The following GOLGA3 variants were observed in gnomAD, a reference collection of about 807,000 sequenced individuals.
The protein encoded by GOLGA3 is golgin A3, also known as golgin subfamily A member 3.
GOLGA3 carries 75 observed loss-of-function variants against 169.4 expected under a neutral mutation model. That is an observed-to-expected ratio of 0.44 (90% confidence interval 0.37 to 0.54). GOLGA3 has a LOEUF of 0.54. Ranked by LOEUF, GOLGA3 falls within the 20% of genes least tolerant of loss-of-function variation. GOLGA3 has a pLI of 0.00. For synonymous variants in GOLGA3, 824 were observed against 822.4 expected (o/e 1.00, Z -0.03); for missense variants, 1,899 against 1,930.0 (o/e 0.98, Z 0.30).
At chr12:132,807,521 C>A (rs1165734782) in intron 5 of GOLGA3, among the ~76,000 whole-genome samples, 1 of 152,126 alleles carries the variant, frequency 6.6e-6, no homozygotes, top group Admixed American at 6.5e-5. Flanking sequence ...ATGCAAGCGT[C>A]GTGCAGCTTA....
intron 14 of GOLGA3, 64 bp downstream of exon 14, chr12:132,786,629 T>C (rs2045914418): frequency 1.6e-5 from 17 of 1,059,256 alleles, no homozygotes; most frequent in African/African-American, 5.2e-5. Flanking sequence ...CTGGTTCGCC[T>C]CCCCCCCGGC....
At chr12:132,820,098 C>G (rs979738739) in intron 2 of GOLGA3, among the ~76,000 whole-genome samples, 1 of 152,112 alleles carries the variant, frequency 6.6e-6, no homozygotes, top group Non-Finnish European at 1.5e-5. Context: ...ATCGCTTGAA[C>G]CCGGGAGGCG....
At position 132,773,062 on chromosome 12, in the gene GOLGA3, G is replaced by A. The variant is rs560952493; in HGVS notation, c.*43C>T. 22 of 1,306,066 alleles carry A rather than the reference G, an allele frequency of 1.7e-5. No individual in the cohort carries two copies. In the South Asian group the frequency reaches 2.8e-4, roughly 17 times the overall value. 80.9% of individuals were successfully genotyped at this position (1,306,066 alleles called of 1,614,324 possible). A position where few individuals can be genotyped will look rare whatever the true frequency, so the allele number is the denominator to read the frequency against. ...ACAATCAAATAAATAACATTGATAA[G>A]AGCCTTCTGGGGCAGCGGCGCACGG... On this transcript the variant is annotated 3_prime_UTR_variant, in exon 24 of 24. Coordinates refer to ENST00000450791, the MANE Select transcript of GOLGA3 (RefSeq NM_001389683.1).
chr12:132,776,976 C>G lies in GOLGA3; in HGVS notation c.3837G>C (p.Gln1279His), dbSNP rs373046490. 9 of 1,600,980 alleles carry G rather than the reference C, an allele frequency of 5.6e-6. No homozygotes were observed. In the African/African-American group the frequency reaches 1.2e-4, roughly 21 times the overall value. ...CCGTCACCTCTTGGTTTCCCACGGGCTGTTTGCTGAGCTGCTCGTCCAGCT... is the reference window on the plus strand; with the variant it reads ...CCGTCACCTCTTGGTTTCCCACGGGGTGTTTGCTGAGCTGCTCGTCCAGCT... ...QKQLDEQLSK[Q>H]PVGNQEMENL... is the part of the protein sequence containing the mutation. The change falls in exon 20 of 24, where the codon CAG becomes CAC. Residue 1279 changes from glutamine (Q) to histidine (H), a missense_variant. Coordinates refer to ENST00000450791, the MANE Select transcript of GOLGA3 (RefSeq NM_001389683.1).
chr12:132,779,651 C>T (rs760143805), intron 18 of GOLGA3, among the ~76,000 whole-genome samples: 8 of 152,184 alleles, frequency 5.3e-5, no homozygotes, highest in Non-Finnish European at 8.8e-5. Context: ...CTAGAGACAA[C>T]CAGTTATTTC....
In GOLGA3 at chr12:132,807,293, G is replaced by A. The variant is rs1182211611; in HGVS notation, c.1179-5C>T. Reference sequence around the variant, plus strand: ...GCAGAGCTCTCCAAGGACACGCTGGGGACAAAGGCACGGGTCAGGCCTGTG... The same window carrying A: ...GCAGAGCTCTCCAAGGACACGCTGGAGACAAAGGCACGGGTCAGGCCTGTG... On this transcript the variant is annotated splice_polypyrimidine_tract_variant and splice_region_variant and intron_variant, in intron 5 of 23. Transcript: ENST00000450791. The A allele has an allele frequency of 3.3e-6, 5 of 1,526,186 alleles. No individual in the cohort carries two copies. The highest frequency in any genetic ancestry group is 4.5e-6 in the Non-Finnish European group (5 of 1,121,820). 94.5% of individuals were successfully genotyped at this position (1,526,186 alleles called of 1,614,324 possible). A position where few individuals can be genotyped will look rare whatever the true frequency, so the allele number is the denominator to read the frequency against.
intron 3 of GOLGA3, among the ~76,000 whole-genome samples, chr12:132,815,101 A>G (rs1489482635): frequency 1.3e-5 from 2 of 152,262 alleles, no homozygotes; most frequent in African/African-American, 4.8e-5. Flanking sequence ...GCAGTCACCA[A>G]GAATTTCACT....
chr12:132,813,675 C>T (rs541341561), intron 3 of GOLGA3, among the ~76,000 whole-genome samples: 1 of 152,006 alleles, frequency 6.6e-6, no homozygotes, highest in South Asian at 2.1e-4. Flanking sequence ...TGAGTACACC[C>T]CACCTGGGGC....
At chr12:132,806,326 C>G (rs141846368) in intron 6 of GOLGA3, among the ~76,000 whole-genome samples, 1 of 152,332 alleles carries the variant, frequency 6.6e-6, no homozygotes, top group South Asian at 2.1e-4. Flanking sequence ...AGGGGAAATG[C>G]ATCCGACGGA....
intron 20 of GOLGA3, 26 bp downstream of exon 20, chr12:132,776,932 C>CA: frequency 6.4e-7 from 1 of 1,559,746 alleles, no homozygotes; most frequent in Non-Finnish European, 8.7e-7. Context: ...TCCAGCCCTG[C>CA]AAGTCCAGCC....
Position 132,789,131 on chromosome 12 carries a change from G to C in GOLGA3, c.2707C>G (p.Arg903Gly). 1 of 1,613,186 alleles carries C rather than the reference G, an allele frequency of 6.2e-7. No homozygotes were observed. The highest frequency in any genetic ancestry group is 1.3e-5 in the African/African-American group (1 of 75,058). The change falls in exon 13 of 24, where the codon CGC becomes GGC. Residue 903 changes from arginine to glycine, a missense_variant. By Grantham distance (125) the Arg-to-Gly change is moderately radical. Transcript: ENST00000450791. ...EKRTAEAELS[R>G]LHREVAQVRQ... Reference sequence around the variant, plus strand: ...ACCTGGGCCACCTCTCTGTGCAGGCGCGAGAGCTCCGCCTCGGCAGTCCGC... The same window carrying C: ...ACCTGGGCCACCTCTCTGTGCAGGCCCGAGAGCTCCGCCTCGGCAGTCCGC...
intron 12 of GOLGA3, among the ~76,000 whole-genome samples, chr12:132,790,197 G>A (rs529563553): frequency 5.9e-5 from 9 of 152,220 alleles, no homozygotes; most frequent in South Asian, 2.1e-4. Flanking sequence ...AGTCGGGCGT[G>A]GTGGCCGGTG....
intron 15 of GOLGA3, among the ~76,000 whole-genome samples, chr12:132,785,829 C>CG (rs1025271711): frequency 2.0e-5 from 3 of 152,248 alleles, no homozygotes; most frequent in Non-Finnish European, 4.4e-5. Flanking sequence ...CGGAGGGCCA[C>CG]GGCCTCCACG....
chr12:132,781,867 T>C (rs2045623570), intron 17 of GOLGA3, among the ~76,000 whole-genome samples: 1 of 152,194 alleles, frequency 6.6e-6, no homozygotes, highest in Non-Finnish European at 1.5e-5. Flanking sequence ...TGTCACCGTC[T>C]GGGACTGGAA....
chr12:132,794,061 G>GC (rs2136444817), intron 11 of GOLGA3, among the ~76,000 whole-genome samples: 1 of 152,266 alleles, frequency 6.6e-6, no homozygotes, highest in South Asian at 2.1e-4. Flanking sequence ...TGTTCCACAC[G>GC]CATCATTCAT....
rs1949307616 is a variant in GOLGA3 at position 132,804,768 on chromosome 12, A to G, written c.1545T>C (p.Leu515=). Residue 515 remains leucine, a synonymous_variant, in exon 7 of 24, where the codon CTT becomes CTC. Transcript: ENST00000450791. The surrounding 1 kb of genome is among the most constrained non-coding windows in gnomAD (Gnocchi z 4.1). ...TCTGCATGTCCTCTACCTTGGCCAT[A>G]AGCCTCTGGTACTGCTCCTCGGCCA... ...LQVAEEQYQR[L]MAKVEDMQRS... 1 of 1,614,088 alleles carries G rather than the reference A, an allele frequency of 6.2e-7. No homozygotes were observed. The highest frequency in any genetic ancestry group is 8.5e-7 in the Non-Finnish European group (1 of 1,180,034).
In GOLGA3 at chr12:132,782,305, C is replaced by T. The variant is rs2045649914; in HGVS notation, c.3456G>A (p.Leu1152=). The T allele has an allele frequency of 6.2e-7, 1 of 1,613,622 alleles. No individual in the cohort carries two copies. Among genetic ancestry groups the T allele is most frequent in the African/African-American group, 1.3e-5 (1 of 74,928 alleles). ...TGACGAGTTTGAATACCTGAAGGTT[C>T]AACTGGACTAGGTCTGCCTCCCTCT... ...LAKREADLVQ[L]NLQVQAVLQR... is the part of the protein sequence containing the mutation. Residue 1152 remains leucine (L), a synonymous_variant, in exon 17 of 24, where the codon TTG becomes TTA. Coordinates refer to ENST00000450791, the MANE Select transcript of GOLGA3 (RefSeq NM_001389683.1).
intron 7 of GOLGA3, among the ~76,000 whole-genome samples, chr12:132,803,897 C>T (rs1949253440): frequency 6.6e-6 from 1 of 152,200 alleles, no homozygotes; most frequent in Admixed American, 6.5e-5. Flanking sequence ...GGTCACTCTA[C>T]ACCCCTCGGG....
At chr12:132,814,754 C>A (rs529988195) in intron 3 of GOLGA3, among the ~76,000 whole-genome samples, 1 of 152,226 alleles carries the variant, frequency 6.6e-6, no homozygotes, top group Admixed American at 6.5e-5. Context: ...GACTCCAATC[C>A]GAGGTCATGC....
Sources: gnomAD v4.1 joint callset for allele counts (sites outside exome capture counted in the v4.1 genomes callset) on GRCh38, gnomAD v4.1.1 for gene constraint, Gnocchi (gnomAD v3.1) non-coding constraint, MANE v1.5 for transcripts, NCBI Gene and HGNC (gene_info 2026-07-23, HGNC 2026-07-21) for gene names.